LSAMP: variants seen among roughly 807,000 people sequenced by gnomAD.
LSAMP encodes limbic system-associated membrane protein.
LSAMP carries 7 observed loss-of-function variants against 38.6 expected under a neutral mutation model. The observed-to-expected ratio is 0.18, with a 90% CI of 0.10 to 0.34. LSAMP has a LOEUF of 0.34. Ranked by LOEUF, LSAMP falls within the 10% of genes least tolerant of loss-of-function variation. The pLI, the probability that LSAMP is intolerant of heterozygous loss-of-function variation, is 1.00. For missense variants in LSAMP, 313 were observed against 420.0 expected, an observed-to-expected ratio of 0.75 and a Z score of 2.23; for synonymous variants, 154 against 166.8, an observed-to-expected ratio of 0.92 and a Z score of 0.59.
chr3:116,200,577 C>G (rs531972088), intron 1 of LSAMP, among the ~76,000 whole-genome samples: 2 of 152,196 alleles, frequency 1.3e-5, no homozygotes, highest in Non-Finnish European at 1.5e-5. Context: ...AGACACATAG[C>G]CCCCAGGGGC....
At chr3:116,334,772 C>T (rs1055433131) in intron 1 of LSAMP, among the ~76,000 whole-genome samples, 2 of 152,032 alleles carry the variant, frequency 1.3e-5, no homozygotes, top group East Asian at 3.9e-4. Flanking sequence ...ATGAAAAACA[C>T]ACAGCAAACA....
chr3:116,110,700 C>T (rs1708587502), intron 1 of LSAMP, among the ~76,000 whole-genome samples: 1 of 152,046 alleles, frequency 6.6e-6, no homozygotes, highest in East Asian at 1.9e-4. Flanking sequence ...GGTCTGAGGA[C>T]CTGAGGTCAT....
Position 116,162,799 on chromosome 3 carries a change from T to A in LSAMP, c.156-76243A>T, listed in dbSNP as rs867104890. Among the ~76,000 whole-genome samples, 475 of 103,410 alleles carry A rather than the reference T, an allele frequency of 4.6e-3. 4 individuals are homozygous for A. Among genetic ancestry groups the A allele is most frequent in the South Asian group, 0.025 (74 of 3,000 alleles). The allele number at this position is 103,410 out of a possible 152,430, so 67.8% of individuals were successfully genotyped here. A position where few individuals can be genotyped will look rare whatever the true frequency, so the allele number is the denominator to read the frequency against. On this transcript the variant is annotated intron_variant, in intron 1 of 6. Coordinates refer to ENST00000490035, the MANE Select transcript of LSAMP (RefSeq NM_002338.5). Reference sequence around the variant, plus strand: ...CACACACACACACACACACACACACTTTGCTTTCCAAGGCAGTAATGTTCC... The same window carrying A: ...CACACACACACACACACACACACACATTGCTTTCCAAGGCAGTAATGTTCC...
chr3:115,878,594 T>G (rs1279500174), intron 3 of LSAMP, among the ~76,000 whole-genome samples: 2 of 150,578 alleles, frequency 1.3e-5, no homozygotes, highest in African/African-American at 2.4e-5. Flanking sequence ...CCAGAGTAGC[T>G]GGAACTACAG....
chr3:116,360,097 CT>C, intron 1 of LSAMP: 1 of 152,674 alleles, frequency 6.5e-6, no homozygotes, highest in Middle Eastern at 3.2e-3. Context: ...ATCTGAGGTA[CT>C]GGGTTCATCT....
chr3:115,983,715 G>C (rs1939430168), intron 3 of LSAMP, among the ~76,000 whole-genome samples: 1 of 152,108 alleles, frequency 6.6e-6, no homozygotes. Context: ...GCCATACAGA[G>C]GGGAGGGCAG....
chr3:116,040,003 A>AT, intron 2 of LSAMP, among the ~76,000 whole-genome samples: 1 of 149,516 alleles, frequency 6.7e-6, no homozygotes, highest in African/African-American at 2.5e-5. Context: ...TTGGGGGGGG[A>AT]AAAAAACTGG....
chr3:116,285,127 G>C (rs1442413056), intron 1 of LSAMP, among the ~76,000 whole-genome samples: 1 of 152,092 alleles, frequency 6.6e-6, no homozygotes, highest in Non-Finnish European at 1.5e-5. Context: ...GAGTGTTAGG[G>C]CTGGCTCAGC....
intron 1 of LSAMP, among the ~76,000 whole-genome samples, chr3:116,101,410 ACT>A (rs551473620): frequency 6.4e-4 from 97 of 152,074 alleles, no homozygotes; most frequent in Admixed American, 1.4e-3. Flanking sequence ...ATTTTTTGTC[ACT>A]CTTTTAAATT....
chr3:116,273,411 A>T (rs891363189), intron 1 of LSAMP, among the ~76,000 whole-genome samples: 1 of 151,822 alleles, frequency 6.6e-6, no homozygotes, highest in Non-Finnish European at 1.5e-5. Context: ...TTAAAGAGAG[A>T]TCATAATTAC....
chr3:116,437,920 C>T (rs2049377117), intron 1 of LSAMP, among the ~76,000 whole-genome samples: 1 of 152,000 alleles, frequency 6.6e-6, no homozygotes, highest in South Asian at 2.1e-4. Flanking sequence ...TGGTGGACTG[C>T]CTAATCTCCA....
intron 3 of LSAMP, among the ~76,000 whole-genome samples, chr3:115,869,579 T>G (rs895478870): frequency 7.2e-5 from 11 of 152,156 alleles, no homozygotes; most frequent in African/African-American, 2.7e-4. Context: ...TAATATTCAT[T>G]ACTTGCAGAT....
At chr3:116,105,433 C>A (rs551149576) in intron 1 of LSAMP, among the ~76,000 whole-genome samples, 1 of 152,198 alleles carries the variant, frequency 6.6e-6, no homozygotes, top group Non-Finnish European at 1.5e-5. Context: ...CACCTGGGTG[C>A]AGGTGGGCTG....
chr3:116,253,627 T>C (rs2046714211), intron 1 of LSAMP, among the ~76,000 whole-genome samples: 1 of 152,226 alleles, frequency 6.6e-6, no homozygotes, highest in Admixed American at 6.5e-5. Context: ...CAAGAAGTCC[T>C]GTGGAGCTTC....
chr3:116,435,700 T>C (rs938581420), intron 1 of LSAMP, among the ~76,000 whole-genome samples: 1 of 152,258 alleles, frequency 6.6e-6, no homozygotes, highest in Admixed American at 6.5e-5. Context: ...AAATTTTGTA[T>C]CTATTGGGGG....
rs188046390 is a variant in LSAMP at position 116,180,545 on chromosome 3, G to C, written c.156-93989C>G. On this transcript the variant is annotated intron_variant, in intron 1 of 6. Transcript: ENST00000490035. ...AAACGACTATTGGCTAATAGAAAAA[G>C]GTCACACAATTCTTCTTATGATGTA... Among the ~76,000 whole-genome samples the C allele has an allele frequency of 1.1e-3, 170 of 152,060 alleles. 5 individuals are homozygous for C. The highest frequency in any genetic ancestry group is 2.2e-4 in the Non-Finnish European group (15 of 67,958).
At position 116,277,527 on chromosome 3, in the gene LSAMP, G is replaced by A. The variant is rs776387685; in HGVS notation, c.155+167350C>T. On this transcript the variant is annotated intron_variant, in intron 1 of 6. Coordinates refer to ENST00000490035, the MANE Select transcript of LSAMP (RefSeq NM_002338.5). ...TGGGACCACAGGCGCCCACCACCAC[G>A]CCTGGCTAATTTTTTTGTATTTTTT... is the stretch of plus-strand genomic sequence containing the variant. 5.1e-4 allele frequency among the ~76,000 whole-genome samples: 77 copies of A among 151,888 alleles called. 1 individual carries two copies. The highest frequency in any genetic ancestry group is 1.5e-3 in the Admixed American group (23 of 15,254).
chr3:116,397,841 G>A (rs1292113716), intron 1 of LSAMP, among the ~76,000 whole-genome samples: 1 of 152,078 alleles, frequency 6.6e-6, no homozygotes, highest in Non-Finnish European at 1.5e-5. Flanking sequence ...TGTAGGCCAA[G>A]CTCAAGCCAT....
chr3:115,853,005 T>G (rs1935380949), intron 3 of LSAMP, among the ~76,000 whole-genome samples: 1 of 152,144 alleles, frequency 6.6e-6, no homozygotes, highest in African/African-American at 2.4e-5. Context: ...CATAGGTGCA[T>G]GCACTCACTC....
Sources: gnomAD v4.1 joint callset for allele counts (sites outside exome capture counted in the v4.1 genomes callset) on GRCh38, gnomAD v4.1.1 for gene constraint, MANE v1.5 for transcripts, NCBI Gene and HGNC (gene_info 2026-07-23, HGNC 2026-07-21) for gene names.